Variants in NYAP2 observed in about 807,000 individuals in gnomAD.
The protein encoded by NYAP2 is neuronal tyrosine-phosphorylated phosphoinositide-3-kinase adapter 2.
In NYAP2, 23 loss-of-function variants were observed where a neutral mutation model predicts 50.4. That is an observed-to-expected ratio of 0.46 (90% CI 0.33 to 0.65). NYAP2 has a LOEUF of 0.65. NYAP2 is among the 30% of genes least tolerant of loss of function. NYAP2 has a pLI of 0.02. For synonymous variants in NYAP2, 394 were observed against 365.2 expected (o/e 1.08, Z -0.90); for missense variants, 885 against 861.0 (o/e 1.03, Z -0.35).
chr2:225,455,071 G>A (rs1277831685), intron 3 of NYAP2, among the ~76,000 whole-genome samples: 2 of 152,022 alleles, frequency 1.3e-5, no homozygotes, highest in Non-Finnish European at 2.9e-5. Context: ...AATGCAGACA[G>A]TCTCCAGAAA....
chr2:225,399,720 T>G (rs1280241872), exon 1 of NYAP2: 1 of 151,992 alleles, frequency 6.6e-6, no homozygotes, highest in Non-Finnish European at 1.5e-5. Context: ...AGTAATTGTG[T>G]GCATGGCTCG....
chr2:225,515,072 T>G (rs1258857066), intron 4 of NYAP2, among the ~76,000 whole-genome samples: 1 of 152,180 alleles, frequency 6.6e-6, no homozygotes, highest in Non-Finnish European at 1.5e-5. Flanking sequence ...TCATTGGTGT[T>G]CAGGTGCCTT....
chr2:225,484,916 G>A (rs376768023), intron 3 of NYAP2, among the ~76,000 whole-genome samples: 1 of 152,312 alleles, frequency 6.6e-6, no homozygotes, highest in African/African-American at 2.4e-5. Flanking sequence ...CAGTGCTATT[G>A]AATCAGAAAC....
At chr2:225,472,820 T>A (rs1294097467) in intron 3 of NYAP2, among the ~76,000 whole-genome samples, 3 of 152,228 alleles carry the variant, frequency 2.0e-5, no homozygotes, top group Non-Finnish European at 4.4e-5. Context: ...TTTTATTTTT[T>A]AATTATACTT....
intron 3 of NYAP2, among the ~76,000 whole-genome samples, chr2:225,420,262 T>C (rs550899288): frequency 1.8e-4 from 27 of 152,322 alleles, no homozygotes; most frequent in Admixed American, 1.7e-3. Flanking sequence ...GAAAGTTTTC[T>C]TTCTGGGCAC....
At chr2:225,442,204 G>C (rs559954147) in intron 3 of NYAP2, among the ~76,000 whole-genome samples, 1 of 152,188 alleles carries the variant, frequency 6.6e-6, no homozygotes. Flanking sequence ...GTGAGGAGGA[G>C]TAGTTGATTA....
intron 4 of NYAP2, among the ~76,000 whole-genome samples, chr2:225,556,584 T>G (rs1691780013): frequency 6.6e-6 from 1 of 152,146 alleles, no homozygotes; most frequent in African/African-American, 2.4e-5. Flanking sequence ...TTCTTAATTG[T>G]TTTGACCATC....
chr2:225,418,601 G>A (rs536852632), intron 3 of NYAP2, among the ~76,000 whole-genome samples: 62 of 152,260 alleles, frequency 4.1e-4, no homozygotes, highest in Admixed American at 1.8e-3. Flanking sequence ...TAACTGAGAT[G>A]GGGAAGATGG....
At chr2:225,547,539 G>A (rs569665886) in intron 4 of NYAP2, among the ~76,000 whole-genome samples, 5 of 152,168 alleles carry the variant, frequency 3.3e-5, no homozygotes, top group South Asian at 4.1e-4. Flanking sequence ...GTCTAAATGC[G>A]CCCTCTGGGC....
intron 3 of NYAP2, among the ~76,000 whole-genome samples, chr2:225,480,926 C>A (rs1206892962): frequency 6.6e-6 from 1 of 152,084 alleles, no homozygotes; most frequent in Non-Finnish European, 1.5e-5. Context: ...AGAGTAAACA[C>A]CCCTTCTGCT....
chr2:225,651,320 C>T lies in NYAP2; in HGVS notation c.1829-112C>T, dbSNP rs556342115. 2.0e-5 allele frequency: 28 copies of T among 1,384,388 alleles called. No homozygotes were observed. In the South Asian group the frequency reaches 3.1e-4, roughly 15 times the overall value. The allele number at this position is 1,384,388 out of a possible 1,614,324, so 85.8% of individuals were successfully genotyped here. A position where few individuals can be genotyped will look rare whatever the true frequency, so the allele number is the denominator to read the frequency against. On this transcript the variant is annotated intron_variant, in intron 6 of 6. Coordinates refer to ENST00000636099, the Ensembl canonical transcript of NYAP2. ...GCTACTTATTAGCAAACATCAGGAG[C>T]ATTTTGTATATTCCAAGAATAAGTA...
intron 4 of NYAP2, among the ~76,000 whole-genome samples, chr2:225,578,009 G>C (rs1692197789): frequency 6.6e-6 from 1 of 151,996 alleles, no homozygotes; most frequent in South Asian, 2.1e-4. Flanking sequence ...TTGGGTCACT[G>C]CAACTTCTGC....
At chr2:225,421,933 CTAA>C (rs1695222415) in intron 3 of NYAP2, among the ~76,000 whole-genome samples, 2 of 152,170 alleles carry the variant, frequency 1.3e-5, no homozygotes, top group Non-Finnish European at 2.9e-5. Context: ...TTTCAAATAT[CTAA>C]TGTTATTCTT....
chr2:225,620,116 A>ATTGATCT (rs1693063939), intron 5 of NYAP2, among the ~76,000 whole-genome samples: 1 of 152,208 alleles, frequency 6.6e-6, no homozygotes, highest in African/African-American at 2.4e-5. Context: ...CAGAGAGTTT[A>ATTGATCT]TGTTACTAAA....
chr2:225,653,373 G>A (rs1693768612), exon 7 of NYAP2: 1 of 152,102 alleles, frequency 6.6e-6, no homozygotes. Flanking sequence ...CAGGTTCTTG[G>A]GATAAACTTC....
intron 2 of NYAP2, among the ~76,000 whole-genome samples, chr2:225,407,399 A>C (rs866246066): frequency 7.2e-5 from 11 of 151,994 alleles, no homozygotes; most frequent in African/African-American, 2.7e-4. Context: ...CATAAAAATC[A>C]AGAGTCAACA....
chr2:225,405,215 C>T (rs1230241335), intron 2 of NYAP2, among the ~76,000 whole-genome samples: 2 of 151,966 alleles, frequency 1.3e-5, no homozygotes, highest in Admixed American at 1.3e-4. Context: ...CCACCTTAAT[C>T]TCACCCACTC....
At chr2:225,547,786 C>A (rs1691609323) in intron 4 of NYAP2, among the ~76,000 whole-genome samples, 1 of 152,134 alleles carries the variant, frequency 6.6e-6, no homozygotes, top group Admixed American at 6.5e-5. Context: ...TCATTGCTCA[C>A]CTGATTTTTA....
At chr2:225,446,973 G>T (rs972659998) in intron 3 of NYAP2, among the ~76,000 whole-genome samples, 5 of 151,950 alleles carry the variant, frequency 3.3e-5, no homozygotes, top group Non-Finnish European at 7.4e-5. Context: ...CTCTTTCACC[G>T]AGAAGCCAAG....
Sources: gnomAD v4.1 joint callset for allele counts (sites outside exome capture counted in the v4.1 genomes callset) on GRCh38, gnomAD v4.1.1 for gene constraint, MANE v1.5 for transcripts, NCBI Gene and HGNC (gene_info 2026-07-23, HGNC 2026-07-21) for gene names.